The following LMNB1 variants were observed in gnomAD, a reference collection of about 807,000 sequenced individuals.
The protein encoded by LMNB1 is lamin B1.
Under a neutral mutation model 67.1 loss-of-function variants are expected in LMNB1, and 23 were observed. The observed-to-expected ratio is 0.34, with a 90% CI of 0.25 to 0.49. LMNB1 has a LOEUF of 0.49. LMNB1 is among the 20% of genes least tolerant of loss of function. The pLI, the probability that LMNB1 is intolerant of heterozygous loss-of-function variation, is 0.99. For synonymous variants in LMNB1, 281 were observed against 282.9 expected, an observed-to-expected ratio of 0.99 and a Z score of 0.07; for missense variants, 634 against 746.5, an observed-to-expected ratio of 0.85 and a Z score of 1.76.
chr5:126,794,986 G>T (rs1428485304), intron 1 of LMNB1, among the ~76,000 whole-genome samples: 1 of 152,086 alleles, frequency 6.6e-6, no homozygotes, highest in Non-Finnish European at 1.5e-5. Flanking sequence ...AAACTATTTT[G>T]TAATGAGCTT....
At chr5:126,828,271 C>CT (rs1412215208) in intron 9 of LMNB1, among the ~76,000 whole-genome samples, 2 of 151,940 alleles carry the variant, frequency 1.3e-5, no homozygotes, top group Non-Finnish European at 2.9e-5. Context: ...ATTAAATGGA[C>CT]TTTCGTGAGC....
At chr5:126,820,813 C>T in intron 6 of LMNB1, 97 bp from the exon 7 acceptor site, 1 of 929,014 alleles carries the variant, frequency 1.1e-6, no homozygotes, top group Non-Finnish European at 1.6e-6. Flanking sequence ...CAGACATGAG[C>T]CTCTGTGCCC....
intron 4 of LMNB1, among the ~76,000 whole-genome samples, chr5:126,811,223 G>A (rs142504153): frequency 2.4e-4 from 36 of 152,348 alleles, no homozygotes; most frequent in Non-Finnish European, 4.7e-4. Context: ...GCCTCACAGG[G>A]AGCCAGGGAG....
intron 9 of LMNB1, among the ~76,000 whole-genome samples, chr5:126,828,305 G>A (rs1752046213): frequency 6.6e-6 from 1 of 151,994 alleles, no homozygotes; most frequent in African/African-American, 2.4e-5. Context: ...CATTATTTAT[G>A]TCATTTTTTT....
At chr5:126,777,013 T>G (rs867296913), upstream of LMNB1, 1 of 153,076 alleles carries the variant, frequency 6.5e-6, no homozygotes, top group Non-Finnish European at 1.5e-5. Flanking sequence ...CCCATGGTAG[T>G]CACGTGGAGG....
intron 5 of LMNB1, among the ~76,000 whole-genome samples, chr5:126,814,846 T>G (rs1751669913): frequency 6.6e-6 from 1 of 152,188 alleles, no homozygotes; most frequent in Non-Finnish European, 1.5e-5. Context: ...AATGCTGGGA[T>G]TACAGGTGTA....
intron 1 of LMNB1, among the ~76,000 whole-genome samples, chr5:126,778,773 C>A (rs377606373): frequency 2.0e-5 from 3 of 152,124 alleles, no homozygotes; most frequent in African/African-American, 7.2e-5. Flanking sequence ...GTGCTTAGTA[C>A]CCCTTAGTCG....
At chr5:126,819,734 C>G (rs187272129) in intron 6 of LMNB1, among the ~76,000 whole-genome samples, 1 of 151,926 alleles carries the variant, frequency 6.6e-6, no homozygotes, top group East Asian at 1.9e-4. Flanking sequence ...GTGACCCACC[C>G]GCCTCAGCCT....
chr5:126,801,132 T>G (rs1194819469), intron 1 of LMNB1, among the ~76,000 whole-genome samples: 1 of 150,362 alleles, frequency 6.7e-6, no homozygotes, highest in Non-Finnish European at 1.5e-5. Context: ...TACAGGCATG[T>G]GCCACCACGC....
chr5:126,812,983 C>T (rs1268884035), intron 5 of LMNB1, among the ~76,000 whole-genome samples: 1 of 152,216 alleles, frequency 6.6e-6, no homozygotes, highest in Non-Finnish European at 1.5e-5. Context: ...CCCGCCTCGG[C>T]TTCCCAGAGT....
intron 9 of LMNB1, among the ~76,000 whole-genome samples, chr5:126,826,455 C>G (rs542646157): frequency 6.6e-6 from 1 of 152,228 alleles, no homozygotes; most frequent in Non-Finnish European, 1.5e-5. Context: ...AAGAATGAGA[C>G]AGTACTTGGG....
chr5:126,782,003 T>G (rs1329297794), intron 1 of LMNB1, among the ~76,000 whole-genome samples: 1 of 152,208 alleles, frequency 6.6e-6, no homozygotes, highest in Non-Finnish European at 1.5e-5. Flanking sequence ...TTTGATTCAG[T>G]CCAAGACTGA....
At chr5:126,783,348 C>T (rs1029941994) in intron 1 of LMNB1, among the ~76,000 whole-genome samples, 3 of 95,606 alleles carry the variant, frequency 3.1e-5, no homozygotes, top group African/African-American at 1.5e-4. Flanking sequence ...AGTTATCAAA[C>T]TTTTATATTT....
intron 1 of LMNB1, among the ~76,000 whole-genome samples, chr5:126,796,813 G>C (rs2112942557): frequency 8.7e-6 from 1 of 114,632 alleles, no homozygotes; most frequent in East Asian, 2.6e-4. Flanking sequence ...TTTTGAGATA[G>C]AGCTTCGCTC....
At chr5:126,787,546 A>ATATATATT in intron 1 of LMNB1, among the ~76,000 whole-genome samples, 2 of 65,570 alleles carry the variant, frequency 3.1e-5, no homozygotes, top group Non-Finnish European at 5.5e-5. Context: ...ATATATATAT[A>ATATATATT]TTTTTTTTTT....
At chr5:126,808,086 G>A (rs1179213466) in intron 3 of LMNB1, among the ~76,000 whole-genome samples, 2 of 152,130 alleles carry the variant, frequency 1.3e-5, no homozygotes, top group African/African-American at 2.4e-5. Flanking sequence ...TGGCCAGGCT[G>A]GTCTCGAACT....
chr5:126,818,395 C>A (rs1396428778), intron 5 of LMNB1, among the ~76,000 whole-genome samples: 2 of 152,022 alleles, frequency 1.3e-5, no homozygotes, highest in African/African-American at 4.8e-5. Flanking sequence ...CCCACCACTA[C>A]AACCTGCTAA....
rs1318007365 is a variant in LMNB1 at position 126,810,011 on chromosome 5, A to AT, written c.643-169_643-168insT. 2.8e-3 allele frequency among the ~76,000 whole-genome samples: 201 copies of AT among 72,508 alleles called. 1 individual carries two copies. The highest frequency in any genetic ancestry group is 8.1e-3 in the African/African-American group (185 of 22,942). 47.6% of individuals were successfully genotyped at this position (72,508 alleles called of 152,430 possible). A position where few individuals can be genotyped will look rare whatever the true frequency, so the allele number is the denominator to read the frequency against. On this transcript the variant is annotated intron_variant, in intron 3 of 10. Transcript: ENST00000261366. ...TTCTGTCATTAGTTCCATTTCAAAA[A>AT]CCTCAACTGAAAACTAAGAGGCAAA...
intron 5 of LMNB1, among the ~76,000 whole-genome samples, chr5:126,817,803 T>A (rs1316092464): frequency 6.6e-6 from 1 of 152,234 alleles, no homozygotes; most frequent in Non-Finnish European, 1.5e-5. Flanking sequence ...GCACATTAGA[T>A]GCCCTTTCTC....
Sources: allele counts gnomAD v4.1 joint callset (sites outside exome capture counted in the v4.1 genomes callset), GRCh38; gene constraint gnomAD v4.1.1; transcripts MANE v1.5; gene names NCBI Gene and HGNC (gene_info 2026-07-23, HGNC 2026-07-21).